The following RASA1 variants were observed in gnomAD, a reference collection of about 807,000 sequenced individuals.
RASA1 encodes the protein ras GTPase-activating protein 1.
RASA1 carries 25 observed loss-of-function variants against 132.2 expected under a neutral mutation model. The observed-to-expected ratio is 0.19, with a 90% CI of 0.14 to 0.26. RASA1 has a LOEUF of 0.26. Ranked by LOEUF, RASA1 falls within the 10% of genes least tolerant of loss-of-function variation. The pLI is 1.00. For missense variants in RASA1, 964 were observed against 1,299.2 expected (o/e 0.74, Z 3.97); for synonymous variants, 477 against 449.9 (o/e 1.06, Z -0.76).
At chr5:87,287,254 T>G (rs375817911) in intron 1 of RASA1, among the ~76,000 whole-genome samples, 2 of 145,802 alleles carry the variant, frequency 1.4e-5, no homozygotes, top group African/African-American at 2.5e-5. Flanking sequence ...ACCGTATATA[T>G]ACACACCATA....
chr5:87,369,713 A>T (rs1760788969), intron 11 of RASA1, 100 bp from the exon 12 acceptor site: 1 of 800,062 alleles, frequency 1.2e-6, no homozygotes, highest in African/African-American at 1.7e-5. Flanking sequence ...AAGAATTATA[A>T]TTTTATGTTA....
chr5:87,362,787 C>T, intron 10 of RASA1, 116 bp downstream of exon 10: 3 of 1,208,856 alleles, frequency 2.5e-6, no homozygotes, highest in Non-Finnish European at 3.6e-6. Context: ...GTAATTGACA[C>T]TTGTTTAGAG....
chr5:87,349,420 G>A, intron 8 of RASA1, 56 bp downstream of exon 8: 1 of 1,572,876 alleles, frequency 6.4e-7, no homozygotes, highest in Non-Finnish European at 8.7e-7. Context: ...TTGAAATCTT[G>A]ATAATACAGT....
chr5:87,302,454 CT>C (rs1561266328), intron 1 of RASA1, among the ~76,000 whole-genome samples: 1 of 150,668 alleles, frequency 6.6e-6, no homozygotes, highest in African/African-American at 2.4e-5. Flanking sequence ...GGCTATGAGT[CT>C]TTTGATGAGT....
intron 6 of RASA1, among the ~76,000 whole-genome samples, chr5:87,345,713 C>CA (rs1055126531): frequency 3.3e-5 from 5 of 152,224 alleles, no homozygotes; most frequent in African/African-American, 1.2e-4. Context: ...TCATTTAAAA[C>CA]AATGTGAATG....
In RASA1 at chr5:87,374,192, A is replaced by G; in HGVS notation, c.1806A>G (p.Glu602=). The G allele has an allele frequency of 6.4e-7, 1 of 1,566,070 alleles. No individual in the cohort carries two copies. The highest frequency in any genetic ancestry group is 8.7e-7 in the Non-Finnish European group (1 of 1,152,692). The change falls in exon 14 of 25, where the codon GAA becomes GAG. Residue 602 remains glutamate (E), a synonymous_variant. Coordinates refer to ENST00000274376, the MANE Select transcript of RASA1 (RefSeq NM_002890.3). Reference sequence around the variant, plus strand: ...GCAGCCTTGTTTTACATATTGAAGAAGCCCATAAACTCCCAGTAAAACATT... The same window carrying G: ...GCAGCCTTGTTTTACATATTGAAGAGGCCCATAAACTCCCAGTAAAACATT... ...QVSSLVLHIE[E]AHKLPVKHFT...
In RASA1 at chr5:87,378,500, T is replaced by C. The variant is rs1252322867; in HGVS notation, c.2449T>C (p.Ser817Pro). 4 of 1,611,636 alleles carry C rather than the reference T, an allele frequency of 2.5e-6. No homozygotes were observed. The African/African-American group carries it at 5.3e-5, about 22-fold the overall frequency. The change falls in exon 18 of 25, where the codon TCT (serine) becomes CCT (proline). Residue 817 changes from serine (S) to proline (P), a missense_variant. Ser to Pro is a moderately conservative substitution (Grantham distance 74). Coordinates refer to ENST00000274376, the MANE Select transcript of RASA1 (RefSeq NM_002890.3). ...GTTTGTTCATCATGCTTTGAAAGAC[T>C]CTATTTTAAAGATAATGGAAAGCAA... ...TQFVHHALKD[S>P]ILKIMESKQS...
At chr5:87,383,894 G>A in intron 21 of RASA1, 114 bp downstream of exon 21, 1 of 922,344 alleles carries the variant, frequency 1.1e-6, no homozygotes, top group South Asian at 1.6e-5. Flanking sequence ...TTCTAGTCAT[G>A]GCATATATGA....
At chr5:87,304,873 C>T (rs1755536025) in intron 1 of RASA1, among the ~76,000 whole-genome samples, 1 of 150,146 alleles carries the variant, frequency 6.7e-6, no homozygotes, top group South Asian at 2.1e-4. Context: ...TGCTGCATTT[C>T]CATTCTTTCC....
chr5:87,290,244 G>A (rs959273017), intron 1 of RASA1, among the ~76,000 whole-genome samples: 2 of 152,208 alleles, frequency 1.3e-5, no homozygotes, highest in African/African-American at 4.8e-5. Flanking sequence ...AATGGTTAAA[G>A]GTGGTGTATA....
chr5:87,349,187 G>A (rs756756206), intron 7 of RASA1, 27 bp from the exon 8 acceptor site: 1 of 1,609,062 alleles, frequency 6.2e-7, no homozygotes, highest in African/African-American at 1.3e-5. Context: ...GATAATTAGG[G>A]AAAAACTAAC....
intron 8 of RASA1, among the ~76,000 whole-genome samples, chr5:87,351,389 G>C (rs1244039796): frequency 6.6e-6 from 1 of 151,668 alleles, no homozygotes; most frequent in Non-Finnish European, 1.5e-5. Context: ...ATAAATGCAT[G>C]GGAATCAATA....
rs1196310898 is a variant in RASA1 at position 87,383,789 on chromosome 5, C to A, written c.2758+9C>A. 3.1e-6 allele frequency: 5 copies of A among 1,600,322 alleles called. No homozygotes were observed. The highest frequency in any genetic ancestry group is 4.3e-6 in the Non-Finnish European group (5 of 1,169,366). On this transcript the variant is annotated intron_variant, in intron 21 of 24. Transcript: ENST00000274376. ...GTTCAATATCATCTCAGGTAATCAG[C>A]TTTTGATACATTTTGAAATTCAAAA...
chr5:87,339,392 A>T (rs997045606), intron 5 of RASA1, among the ~76,000 whole-genome samples: 6 of 152,286 alleles, frequency 3.9e-5, no homozygotes, highest in Non-Finnish European at 8.8e-5. Flanking sequence ...TATTTACTCC[A>T]TATAGGCAAA....
chr5:87,288,187 T>TAC (rs1322163384), intron 1 of RASA1, among the ~76,000 whole-genome samples: 1 of 148,656 alleles, frequency 6.7e-6, no homozygotes, highest in East Asian at 2.0e-4. Context: ...TATATATATA[T>TAC]ACCATATATA....
rs148792048 is a variant in RASA1, at chr5:87,287,092, A to G, written c.539+18102A>G. Among the ~76,000 whole-genome samples, 489 of 148,120 alleles carry G rather than the reference A, an allele frequency of 3.3e-3. 2 individuals carry two copies. Among genetic ancestry groups the G allele is most frequent in the Non-Finnish European group, 5.0e-3 (334 of 66,890 alleles). ...CACACCATATATACACACCATATAT[A>G]TACACACCATATATATACACACCAT... On this transcript the variant is annotated intron_variant, in intron 1 of 24. Transcript: ENST00000274376.
intron 22 of RASA1, among the ~76,000 whole-genome samples, chr5:87,385,803 T>C (rs894320951): frequency 6.6e-6 from 1 of 152,074 alleles, no homozygotes; most frequent in Non-Finnish European, 1.5e-5. Context: ...TGGGATCATA[T>C]CATGCCTCCT....
intron 3 of RASA1, 101 bp downstream of exon 3, chr5:87,332,743 G>T: frequency 8.6e-7 from 1 of 1,160,574 alleles, no homozygotes; most frequent in Non-Finnish European, 1.2e-6. Flanking sequence ...AATTCAAGAA[G>T]TATTTGTTGT....
At chr5:87,350,829 T>C (rs1305411128) in intron 8 of RASA1, among the ~76,000 whole-genome samples, 1 of 151,768 alleles carries the variant, frequency 6.6e-6, no homozygotes, top group African/African-American at 2.4e-5. Context: ...TTCATCTTAT[T>C]GTTTCTAGTT....
Sources: gnomAD v4.1 joint callset for allele counts (sites outside exome capture counted in the v4.1 genomes callset) on GRCh38, gnomAD v4.1.1 for gene constraint, MANE v1.5 for transcripts, NCBI Gene and HGNC (gene_info 2026-07-23, HGNC 2026-07-21) for gene names.